NCS1: variants seen among roughly 807,000 people sequenced by gnomAD.
NCS1 encodes frequenin homolog.
A neutral mutation model predicts 28.4 loss-of-function variants in NCS1; 6 were observed. That is an observed-to-expected ratio of 0.21 (90% CI 0.12 to 0.42). The LOEUF (loss-of-function observed/expected upper bound fraction) is 0.42, where lower values mean the gene tolerates loss of function less well. Among genes scored for constraint, NCS1 ranks in the 10% least tolerant of loss-of-function variants. The pLI is 1.00. For missense variants in NCS1, 131 were observed against 241.4 expected (o/e 0.54, Z 3.03); for synonymous variants, 86 against 99.3 (o/e 0.87, Z 0.79).
chr9:130,187,047 G>A (rs574478647), intron 1 of NCS1, among the ~76,000 whole-genome samples: 2 of 152,298 alleles, frequency 1.3e-5, no homozygotes, highest in African/African-American at 4.8e-5. Flanking sequence ...GGAGAGGCGG[G>A]GCGGGGGCGC....
At chr9:130,184,624 T>A (rs1192335534) in intron 1 of NCS1, among the ~76,000 whole-genome samples, 1 of 151,996 alleles carries the variant, frequency 6.6e-6, no homozygotes, top group Non-Finnish European at 1.5e-5. Flanking sequence ...TCTTTCTTTT[T>A]TTCTTTTTCT....
chr9:130,207,843 T>G (rs1833048591), intron 2 of NCS1, among the ~76,000 whole-genome samples: 1 of 152,200 alleles, frequency 6.6e-6, no homozygotes, highest in African/African-American at 2.4e-5. Context: ...TTGTCTGTAT[T>G]TGGCAGAGGG....
At chr9:130,183,553 C>A (rs1404139261) in intron 1 of NCS1, among the ~76,000 whole-genome samples, 3 of 152,176 alleles carry the variant, frequency 2.0e-5, no homozygotes, top group Non-Finnish European at 4.4e-5. Flanking sequence ...GTTCAGTGTG[C>A]CTTTCTCTCT....
At chr9:130,183,404 C>T (rs782287136) in intron 1 of NCS1, among the ~76,000 whole-genome samples, 17 of 152,216 alleles carry the variant, frequency 1.1e-4, no homozygotes, top group Non-Finnish European at 2.4e-4. Context: ...GTGAGGCATC[C>T]AGGCCACTGT....
rs1833215600 is a variant in NCS1 at position 130,218,127 on chromosome 9, A to C, written c.228+157A>C. Among the ~76,000 whole-genome samples, 3 of 152,210 alleles carry C rather than the reference A, an allele frequency of 2.0e-5. No homozygotes were observed. In the South Asian group the frequency reaches 6.2e-4, roughly 32 times the overall value. On this transcript the variant is annotated intron_variant, in intron 3 of 7. Transcript: ENST00000372398. ...ATGCACAGATACATAGTCGCACATA[A>C]ATGCATGCACATGTACACATGCAGA...
intron 1 of NCS1, among the ~76,000 whole-genome samples, chr9:130,179,995 TTATCTATC>T (rs56120429): frequency 0.36 from 52,689 of 144,872 alleles, 9,723 homozygotes; most frequent in Admixed American, 0.39. Context: ...TGCCTTCTTT[TTATCTATC>T]TATCTATCTA....
intron 1 of NCS1, among the ~76,000 whole-genome samples, chr9:130,188,655 G>T (rs1202558323): frequency 1.3e-5 from 2 of 151,708 alleles, no homozygotes; most frequent in Non-Finnish European, 2.9e-5. Context: ...TGATTCACCC[G>T]CCTTCTTGGC....
chr9:130,184,910 G>A (rs1832719226), intron 1 of NCS1, among the ~76,000 whole-genome samples: 2 of 151,748 alleles, frequency 1.3e-5, no homozygotes, highest in South Asian at 2.1e-4. Flanking sequence ...GATTCCGTGA[G>A]CTGAGATTGC....
At chr9:130,173,693 C>T (rs2131109934) in intron 1 of NCS1, among the ~76,000 whole-genome samples, 1 of 152,276 alleles carries the variant, frequency 6.6e-6, no homozygotes, top group South Asian at 2.1e-4. Context: ...GGTTGGAATT[C>T]AGAACCCATC....
At chr9:130,225,694 C>T (rs1413301924) in intron 6 of NCS1, among the ~76,000 whole-genome samples, 2 of 152,238 alleles carry the variant, frequency 1.3e-5, no homozygotes, top group East Asian at 1.9e-4. Flanking sequence ...AGGGTTGCGC[C>T]GAGCTTGGCA....
chr9:130,202,158 C>T (rs1347122917), intron 2 of NCS1, among the ~76,000 whole-genome samples: 9 of 152,228 alleles, frequency 5.9e-5, no homozygotes, highest in Non-Finnish European at 1.0e-4. Flanking sequence ...TATGTGCTTA[C>T]GAGGCCTGGT....
At chr9:130,184,794 A>ATTT (rs34059439) in intron 1 of NCS1, among the ~76,000 whole-genome samples, 2 of 146,430 alleles carry the variant, frequency 1.4e-5, no homozygotes, top group Non-Finnish European at 1.5e-5. Context: ...CGCCTGGCTA[A>ATTT]TTTTTTTTTT....
intron 2 of NCS1, among the ~76,000 whole-genome samples, chr9:130,202,579 GT>G (rs11329541): frequency 0.89 from 109,411 of 122,638 alleles, 48,613 homozygotes; most frequent in East Asian, 0.95. Flanking sequence ...TCAAATCCAT[GT>G]TTTTTTTTTT....
In NCS1 at chr9:130,223,009, G is replaced by T. The variant is rs1185899651; in HGVS notation, c.397-73G>T. On this transcript the variant is annotated intron_variant, in intron 5 of 7. Coordinates refer to ENST00000372398, the MANE Select transcript of NCS1 (RefSeq NM_014286.4). ...CCTCATCTGGAAACTGCCAGGTCTG[G>T]GGGGCAAATGCGTGGCCAAGAGCCC... is the stretch of plus-strand genomic sequence containing the variant. 5 of 1,325,882 alleles carry T rather than the reference G, an allele frequency of 3.8e-6. No homozygotes were observed. The Admixed American group carries it at 7.0e-5, about 19-fold the overall frequency. 82.1% of individuals were successfully genotyped at this position (1,325,882 alleles called of 1,614,324 possible).
rs561408660 is a variant in NCS1 at position 130,173,199 on chromosome 9, T to TGGGGA, written c.64+476_64+477insAGGGG. Among the ~76,000 whole-genome samples the TGGGGA allele has an allele frequency of 4.8e-3, 579 of 119,824 alleles. 6 individuals are homozygous for TGGGGA. The highest frequency in any genetic ancestry group is 0.015 in the African/African-American group (442 of 30,018). 78.6% of individuals were successfully genotyped at this position (119,824 alleles called of 152,430 possible). A position where few individuals can be genotyped will look rare whatever the true frequency, so the allele number is the denominator to read the frequency against. On this transcript the variant is annotated intron_variant, in intron 1 of 7. Transcript: ENST00000372398. Reference sequence around the variant, plus strand: ...CGCCCCCTCCCTGGCCCCGTTCGTGTGGGGGGGGGGGTGGCGAGACTTGGC... The same window carrying TGGGGA: ...CGCCCCCTCCCTGGCCCCGTTCGTGTGGGGAGGGGGGGGGGGTGGCGAGACTTGGC...
At position 130,172,619 on chromosome 9, in the gene NCS1, C is replaced by G. The variant is rs1554904165; in HGVS notation, c.-45C>G. ...GGCCCAGCCGCTCCTGCTGGGCGCC[C>G]CAACCGGGTCCGGCCCGGGGGGGCG... On this transcript the variant is annotated 5_prime_UTR_variant, in exon 1 of 8. Coordinates refer to ENST00000372398, the MANE Select transcript of NCS1 (RefSeq NM_014286.4). The G allele has an allele frequency of 7.8e-7, 1 of 1,285,122 alleles. No individual in the cohort carries two copies. Among genetic ancestry groups the G allele is most frequent in the Non-Finnish European group, 1.0e-6 (1 of 980,486 alleles). The allele number at this position is 1,285,122 out of a possible 1,614,324, so 79.6% of individuals were successfully genotyped here. A position where few individuals can be genotyped will look rare whatever the true frequency, so the allele number is the denominator to read the frequency against.
chr9:130,179,992 TTTTTA>T (rs1832630268), intron 1 of NCS1, among the ~76,000 whole-genome samples: 2 of 140,064 alleles, frequency 1.4e-5, no homozygotes, highest in Non-Finnish European at 3.1e-5. Context: ...TCTTGCCTTC[TTTTTA>T]TCTATCTATC....
Position 130,172,656 on chromosome 9 carries a change from C to A in NCS1, c.-8C>A. 6.8e-7 allele frequency: 1 copy of A among 1,467,574 alleles called. No homozygotes were observed. Among genetic ancestry groups the A allele is most frequent in the East Asian group, 3.1e-5 (1 of 32,626 alleles). 90.9% of individuals were successfully genotyped at this position (1,467,574 alleles called of 1,614,324 possible). Reference sequence around the variant, plus strand: ...GGCCCGGGGGGGCGGGGGCCGCGGCCGCCGAGGATGGGGAAATCCAACAGC... The same window carrying A: ...GGCCCGGGGGGGCGGGGGCCGCGGCAGCCGAGGATGGGGAAATCCAACAGC... On this transcript the variant is annotated 5_prime_UTR_variant, in exon 1 of 8. Coordinates refer to ENST00000372398, the MANE Select transcript of NCS1 (RefSeq NM_014286.4).
intron 1 of NCS1, among the ~76,000 whole-genome samples, chr9:130,174,570 C>T (rs1832534294): frequency 6.6e-6 from 1 of 152,162 alleles, no homozygotes; most frequent in Non-Finnish European, 1.5e-5. Context: ...CACAGTGGCT[C>T]ACGCCTGTAA....
Sources: allele counts gnomAD v4.1 joint callset (sites outside exome capture counted in the v4.1 genomes callset), GRCh38; gene constraint gnomAD v4.1.1; transcripts MANE v1.5; gene names NCBI Gene and HGNC (gene_info 2026-07-23, HGNC 2026-07-21).